RBMS3: variants seen among roughly 807,000 people sequenced by gnomAD.
RBMS3 encodes RNA binding motif single stranded interacting protein 3.
RBMS3 carries 27 observed loss-of-function variants against 66.8 expected under a neutral mutation model. That is an observed-to-expected ratio of 0.40 (90% CI 0.30 to 0.56). RBMS3 has a LOEUF of 0.56. Among genes scored for constraint, RBMS3 ranks in the 20% least tolerant of loss-of-function variants. The pLI is 0.40. For missense variants in RBMS3, 513 were observed against 549.5 expected, an observed-to-expected ratio of 0.93 and a Z score of 0.66; for synonymous variants, 188 against 183.0, an observed-to-expected ratio of 1.03 and a Z score of -0.22.
intron 1 of RBMS3, among the ~76,000 whole-genome samples, chr3:29,338,661 T>TCTCCTCTCCTCTCCTC (rs1442219709): frequency 1.2e-4 from 18 of 148,262 alleles, no homozygotes; most frequent in African/African-American, 3.9e-4. Context: ...GTCTAGGATT[T>TCTCCTCTCCTCTCCTC]CTCCTCTCCT....
intron 12 of RBMS3, among the ~76,000 whole-genome samples, chr3:29,970,291 G>C (rs1267064561): frequency 6.6e-6 from 1 of 152,042 alleles, no homozygotes; most frequent in African/African-American, 2.4e-5. Context: ...CAAGAAACTA[G>C]GTGAGACCAG....
intron 3 of RBMS3, among the ~76,000 whole-genome samples, chr3:29,535,433 C>G (rs947290558): frequency 6.6e-6 from 1 of 152,136 alleles, no homozygotes; most frequent in Non-Finnish European, 1.5e-5. Flanking sequence ...AATTCTTTGA[C>G]TATGGCTAAA....
intron 4 of RBMS3, among the ~76,000 whole-genome samples, chr3:29,689,242 A>T (rs889038952): frequency 1.3e-5 from 2 of 152,120 alleles, no homozygotes; most frequent in African/African-American, 2.4e-5. Flanking sequence ...CTTGGATATT[A>T]TCCTTGCCTT....
intron 2 of RBMS3, among the ~76,000 whole-genome samples, chr3:29,453,783 C>T (rs921261518): frequency 6.6e-6 from 1 of 152,226 alleles, no homozygotes; most frequent in Non-Finnish European, 1.5e-5. Context: ...TCAATATGAG[C>T]TGCTGGCATT....
chr3:29,407,128 TAAAAAC>T (rs571157871), intron 1 of RBMS3, among the ~76,000 whole-genome samples: 1 of 152,286 alleles, frequency 6.6e-6, no homozygotes, highest in Non-Finnish European at 1.5e-5. Flanking sequence ...GTGATAAACT[TAAAAAC>T]AAGAACAATA....
chr3:29,756,577 A>T (rs1576712022), intron 5 of RBMS3, among the ~76,000 whole-genome samples: 1 of 151,464 alleles, frequency 6.6e-6, no homozygotes, highest in Non-Finnish European at 1.5e-5. Flanking sequence ...AAAAAAACCC[A>T]CCCCCATGAT....
chr3:29,948,931 T>G (rs1175543963), intron 12 of RBMS3, among the ~76,000 whole-genome samples: 1 of 151,750 alleles, frequency 6.6e-6, no homozygotes, highest in Non-Finnish European at 1.5e-5. Context: ...AAATGTCATG[T>G]AACATAGTAT....
intron 3 of RBMS3, among the ~76,000 whole-genome samples, chr3:29,506,818 T>G (rs576379688): frequency 6.6e-4 from 100 of 152,056 alleles, no homozygotes; most frequent in African/African-American, 2.3e-3. Flanking sequence ...TTTAGTTTTA[T>G]GTGTCTAAGA....
intron 3 of RBMS3, among the ~76,000 whole-genome samples, chr3:29,525,087 A>G (rs1302763567): frequency 6.6e-6 from 1 of 152,130 alleles, no homozygotes; most frequent in Admixed American, 6.5e-5. Flanking sequence ...TTCAGGCCAC[A>G]GAGAGCAAAG....
intron 2 of RBMS3, among the ~76,000 whole-genome samples, chr3:29,438,028 TTCTCTCTCTCTCTC>T (rs34431369): frequency 7.0e-6 from 1 of 142,462 alleles, no homozygotes. Context: ...CCTTGCTTGT[TTCTCTCTCTCTCTC>T]TCTCTCTCTC....
intron 1 of RBMS3, among the ~76,000 whole-genome samples, chr3:29,418,974 A>T (rs2040591547): frequency 6.6e-6 from 1 of 152,196 alleles, no homozygotes; most frequent in Admixed American, 6.5e-5. Context: ...CCATCATTCT[A>T]TTCATTGTGA....
At chr3:29,563,757 A>T (rs1047649737) in intron 3 of RBMS3, among the ~76,000 whole-genome samples, 28 of 152,082 alleles carry the variant, frequency 1.8e-4, no homozygotes, top group African/African-American at 6.0e-4. Flanking sequence ...GGGCGTGGTG[A>T]CTCATGGCTA....
At chr3:29,902,140 G>A (rs2060270246) in intron 10 of RBMS3, among the ~76,000 whole-genome samples, 1 of 151,792 alleles carries the variant, frequency 6.6e-6, no homozygotes, top group South Asian at 2.1e-4. Flanking sequence ...ATTTTAGCAA[G>A]GGGGTATTGA....
chr3:29,409,505 G>A (rs902827588), intron 1 of RBMS3, among the ~76,000 whole-genome samples: 1 of 152,198 alleles, frequency 6.6e-6, no homozygotes, highest in Non-Finnish European at 1.5e-5. Flanking sequence ...TCGACATCAG[G>A]AAATTATGTT....
At chr3:29,803,271 T>C (rs35159184) in intron 6 of RBMS3, among the ~76,000 whole-genome samples, 47,718 of 152,040 alleles carry the variant, frequency 0.31, 7,986 homozygotes, top group Non-Finnish European at 0.38. Flanking sequence ...GCATAATGTA[T>C]GATAATAACC....
chr3:29,680,569 G>A (rs749388828), intron 4 of RBMS3, among the ~76,000 whole-genome samples: 80 of 152,304 alleles, frequency 5.3e-4, no homozygotes, highest in Non-Finnish European at 1.0e-3. Flanking sequence ...CAGACCACAA[G>A]AGTTTCATGA....
Position 29,991,182 on chromosome 3 carries a change from C to T in RBMS3, c.1280C>T (p.Ala427Val). ...QIAVDTSNEH[A>V]PAYSYQQSKP ...GCAGTGGACACATCCAACGAACATG[C>T]ACCTGCATATTCTTACCAACAGTCT... Residue 427 changes from alanine to valine, a missense_variant, in exon 14 of 15, where the codon GCA becomes GTA. Coordinates refer to ENST00000383767, the MANE Select transcript of RBMS3 (RefSeq NM_001003793.3). The T allele has an allele frequency of 1.2e-6, 2 of 1,614,146 alleles. No individual in the cohort carries two copies. The highest frequency in any genetic ancestry group is 1.7e-6 in the Non-Finnish European group (2 of 1,180,012).
intron 12 of RBMS3, among the ~76,000 whole-genome samples, chr3:29,975,106 A>G (rs1435220285): frequency 3.5e-5 from 5 of 143,582 alleles, no homozygotes; most frequent in Non-Finnish European, 6.0e-5. Flanking sequence ...ATATTTATAT[A>G]TTTTATATAT....
intron 4 of RBMS3, among the ~76,000 whole-genome samples, chr3:29,731,928 C>A (rs965370578): frequency 6.6e-6 from 1 of 151,502 alleles, no homozygotes; most frequent in African/African-American, 2.4e-5. Context: ...CCCTCTGTCT[C>A]CCATTTCCCT....
Sources: allele counts gnomAD v4.1 joint callset (sites outside exome capture counted in the v4.1 genomes callset), GRCh38; gene constraint gnomAD v4.1.1; transcripts MANE v1.5; gene names NCBI Gene and HGNC (gene_info 2026-07-23, HGNC 2026-07-21).